XRCC5: variants seen among roughly 807,000 people sequenced by gnomAD.
XRCC5 encodes X-ray repair cross complementing 5, also known as DNA repair protein Ku80.
Under a neutral mutation model 95.7 loss-of-function variants are expected in XRCC5, and 12 were observed. The observed-to-expected ratio is 0.13, with a 90% CI of 0.08 to 0.20. The LOEUF (loss-of-function observed/expected upper bound fraction) is 0.20, where lower values mean the gene tolerates loss of function less well. Among genes scored for constraint, XRCC5 ranks in the 10% least tolerant of loss-of-function variants. The pLI is 1.00. For synonymous variants in XRCC5, 281 were observed against 290.3 expected (o/e 0.97, Z 0.33); for missense variants, 595 against 873.9 (o/e 0.68, Z 4.02).
At chr2:216,197,448 GA>G (rs369842827) in intron 19 of XRCC5, among the ~76,000 whole-genome samples, 4,387 of 110,284 alleles carry the variant, frequency 0.04, 228 homozygotes, top group African/African-American at 0.14. Flanking sequence ...TCTGTCCCAG[GA>G]AAAAAAAAAA....
At chr2:216,153,809 C>T (rs1236452495) in intron 14 of XRCC5, among the ~76,000 whole-genome samples, 1 of 152,192 alleles carries the variant, frequency 6.6e-6, no homozygotes, top group African/African-American at 2.4e-5. Context: ...TTTTTTATTT[C>T]AGAGCCTCAA....
chr2:216,140,098 G>A (rs1697149238), intron 12 of XRCC5, among the ~76,000 whole-genome samples: 1 of 152,124 alleles, frequency 6.6e-6, no homozygotes, highest in Non-Finnish European at 1.5e-5. Context: ...TTGCTGGGAG[G>A]GCCTTGAATT....
chr2:216,196,565 T>A (rs1689725293), intron 19 of XRCC5, among the ~76,000 whole-genome samples: 1 of 152,132 alleles, frequency 6.6e-6, no homozygotes, highest in Non-Finnish European at 1.5e-5. Context: ...GAGAGATTTA[T>A]TGGCTGAATT....
At chr2:216,140,287 CT>C (rs1697151449) in intron 12 of XRCC5, among the ~76,000 whole-genome samples, 2 of 152,174 alleles carry the variant, frequency 1.3e-5, no homozygotes. Context: ...GTATAATGTA[CT>C]TTTTAGGAAC....
intron 13 of XRCC5, among the ~76,000 whole-genome samples, chr2:216,146,815 T>C (rs1688644454): frequency 6.6e-6 from 1 of 152,136 alleles, no homozygotes; most frequent in African/African-American, 2.4e-5. Flanking sequence ...CCCTCCCCCT[T>C]GGTGTTGCTT....
rs74322666 is a variant in XRCC5, at chr2:216,174,555, C to T, written c.1834+12507C>T. ...TCTTTAATTTTTTTATTCCTGTTAT[C>T]ACTACCACAATTTACAGGGCAATAT... is the stretch of plus-strand genomic sequence containing the variant. On this transcript the variant is annotated intron_variant, in intron 16 of 20. Coordinates refer to ENST00000392132, the MANE Select transcript of XRCC5 (RefSeq NM_021141.4). Among the ~76,000 whole-genome samples the T allele has an allele frequency of 8.0e-3, 1,219 of 152,190 alleles. 15 individuals carry two copies. Among genetic ancestry groups the T allele is most frequent in the African/African-American group, 0.028 (1,169 of 41,536 alleles).
intron 15 of XRCC5, among the ~76,000 whole-genome samples, 185 bp from the exon 16 acceptor site, chr2:216,161,794 G>T (rs1688957502): frequency 6.6e-6 from 1 of 152,192 alleles, no homozygotes. Context: ...GCAGCTCTTG[G>T]ACCACTGAAA....
At chr2:216,135,874 G>T (rs1697066445) in intron 10 of XRCC5, among the ~76,000 whole-genome samples, 1 of 152,016 alleles carries the variant, frequency 6.6e-6, no homozygotes, top group Non-Finnish European at 1.5e-5. Flanking sequence ...GGTTGATTAG[G>T]CAATGATGTT....
chr2:216,196,882 T>C (rs1689732019), intron 19 of XRCC5, among the ~76,000 whole-genome samples: 1 of 152,218 alleles, frequency 6.6e-6, no homozygotes, highest in African/African-American at 2.4e-5. Context: ...TAATATTCAT[T>C]GTCACATGGT....
intron 5 of XRCC5, 97 bp from the exon 6 acceptor site, chr2:216,121,965 A>G (rs1696820108): frequency 8.8e-7 from 1 of 1,142,794 alleles, no homozygotes; most frequent in South Asian, 2.1e-5. Context: ...GAGAAATTTG[A>G]AACTTGAAAA....
At chr2:216,157,681 G>A (rs1688873122) in intron 14 of XRCC5, among the ~76,000 whole-genome samples, 1 of 152,178 alleles carries the variant, frequency 6.6e-6, no homozygotes, top group Non-Finnish European at 1.5e-5. Context: ...TAGCTTAGTG[G>A]CTGATATATA....
At chr2:216,124,970 C>G (rs1347425465) in intron 6 of XRCC5, among the ~76,000 whole-genome samples, 4 of 152,182 alleles carry the variant, frequency 2.6e-5, no homozygotes, top group Non-Finnish European at 5.9e-5. Context: ...CTTTTCCCAC[C>G]AGTAAGAAAC....
chr2:216,123,852 A>G (rs945767400), intron 6 of XRCC5, among the ~76,000 whole-genome samples: 8 of 152,196 alleles, frequency 5.3e-5, no homozygotes, highest in African/African-American at 1.9e-4. Flanking sequence ...CTCTTTAAAA[A>G]GTGTTTTTGT....
chr2:216,154,256 A>G (rs910193202), intron 14 of XRCC5, among the ~76,000 whole-genome samples: 4 of 152,190 alleles, frequency 2.6e-5, no homozygotes, highest in Non-Finnish European at 5.9e-5. Flanking sequence ...TGAGTACAGG[A>G]TTAGTTCTTT....
intron 19 of XRCC5, among the ~76,000 whole-genome samples, chr2:216,203,394 T>C (rs1689879256): frequency 6.6e-6 from 1 of 152,186 alleles, no homozygotes; most frequent in South Asian, 2.1e-4. Context: ...TTAGGATAGA[T>C]AGGCATTGCT....
intron 17 of XRCC5, among the ~76,000 whole-genome samples, chr2:216,191,627 T>C (rs1689614060): frequency 6.6e-6 from 1 of 152,100 alleles, no homozygotes; most frequent in South Asian, 2.1e-4. Context: ...GCCAGGCTGG[T>C]CTCGAACTCC....
At chr2:216,117,649 G>A in intron 3 of XRCC5, 97 bp from the exon 4 acceptor site, 5 of 1,245,982 alleles carry the variant, frequency 4.0e-6, no homozygotes, top group Non-Finnish European at 2.4e-6. Flanking sequence ...ACATAGTTCA[G>A]TGTCCACAAT....
At chr2:216,175,643 A>T (rs1689257378) in intron 16 of XRCC5, 1 of 409,896 alleles carries the variant, frequency 2.4e-6, no homozygotes, top group Non-Finnish European at 4.7e-6. Context: ...CACCAGCAAA[A>T]ATGTTCTTCA....
chr2:216,130,453 A>T (rs1433781911), intron 8 of XRCC5, among the ~76,000 whole-genome samples: 1 of 152,054 alleles, frequency 6.6e-6, no homozygotes, highest in Non-Finnish European at 1.5e-5. Context: ...TTGTTCTGAA[A>T]ATTTCCTGTT....
Sources: gnomAD v4.1 joint callset for allele counts (sites outside exome capture counted in the v4.1 genomes callset) on GRCh38, gnomAD v4.1.1 for gene constraint, MANE v1.5 for transcripts, NCBI Gene and HGNC (gene_info 2026-07-23, HGNC 2026-07-21) for gene names.